USP18: variants seen among roughly 807,000 people sequenced by gnomAD.
USP18 encodes ubl carboxyl-terminal hydrolase 18.
In USP18, 11 loss-of-function variants were observed where a neutral mutation model predicts 48.7. The observed-to-expected ratio is 0.23, with a 90% CI of 0.14 to 0.37. The LOEUF (loss-of-function observed/expected upper bound fraction) is 0.37, where lower values mean the gene tolerates loss of function less well. Ranked by LOEUF, USP18 falls within the 10% of genes least tolerant of loss-of-function variation. The pLI is 1.00. For missense variants in USP18, 285 were observed against 436.4 expected (o/e 0.65, Z 3.09); for synonymous variants, 114 against 163.2 (o/e 0.70, Z 2.30).
chr22:18,154,786 C>T lies in USP18; in HGVS notation c.-106-2772C>T, dbSNP rs1304177141. Among the ~76,000 whole-genome samples the T allele has an allele frequency of 2.6e-5, 4 of 152,142 alleles. No individual in the cohort carries two copies. The East Asian group carries it at 7.7e-4, about 29-fold the overall frequency. ...TTAGTCACTGGCACCTTAATTTGTT[C>T]ATTTGGTGATGTCATGTTTCTCTGA... On this transcript the variant is annotated intron_variant, in intron 1 of 10. Coordinates refer to ENST00000215794, the MANE Select transcript of USP18 (RefSeq NM_017414.4).
chr22:18,173,465 T>C (rs1159002475), intron 9 of USP18, among the ~76,000 whole-genome samples, 184 bp downstream of exon 9: 53 of 151,938 alleles, frequency 3.5e-4, no homozygotes, highest in Middle Eastern at 3.4e-3. Context: ...TGCACCTCTG[T>C]AAGGGTTCAA....
rs1009010474 is a variant in USP18, at chr22:18,151,656, GT to G, written c.-107+1445del. ...GTAAGTCCTAGTTTTTCCACGAGCT[GT>G]TTTTTTTTTTGAGAGAGAGTAGTCC... is the stretch of plus-strand genomic sequence containing the variant. On this transcript the variant is annotated intron_variant, in intron 1 of 10. Coordinates refer to ENST00000215794, the MANE Select transcript of USP18 (RefSeq NM_017414.4). Among the ~76,000 whole-genome samples the G allele has an allele frequency of 3.8e-3, 560 of 146,540 alleles. 3 individuals carry two copies. Among genetic ancestry groups the G allele is most frequent in the African/African-American group, 0.012 (476 of 40,330 alleles).
chr22:18,163,426 GA>G (rs1929381455), intron 4 of USP18, among the ~76,000 whole-genome samples: 19 of 152,078 alleles, frequency 1.2e-4, no homozygotes, highest in Admixed American at 1.2e-3. Context: ...GGCAGATCAT[GA>G]GGTCAGGCGA....
intron 8 of USP18, among the ~76,000 whole-genome samples, chr22:18,171,667 C>T (rs1480415856): frequency 6.6e-6 from 1 of 151,938 alleles, no homozygotes; most frequent in Non-Finnish European, 1.5e-5. Context: ...AAAAAAGACA[C>T]AAATATCTTT....
chr22:18,175,307 G>T (rs1233097676), intron 10 of USP18, among the ~76,000 whole-genome samples: 1 of 152,080 alleles, frequency 6.6e-6, no homozygotes, highest in Non-Finnish European at 1.5e-5. Context: ...AGCTTTTGGA[G>T]ACTGTATATC....
chr22:18,165,005 C>T (rs1334944274), intron 4 of USP18, among the ~76,000 whole-genome samples: 3 of 150,802 alleles, frequency 2.0e-5, no homozygotes, highest in Non-Finnish European at 4.4e-5. Context: ...CCCCATTGCC[C>T]CCTGTGCAGG....
intron 1 of USP18, among the ~76,000 whole-genome samples, chr22:18,153,792 T>A (rs1024953129): frequency 8.5e-5 from 13 of 152,106 alleles, no homozygotes; most frequent in Admixed American, 4.6e-4. Context: ...AGCTTTCACA[T>A]ATGAGTGTGA....
chr22:18,152,782 C>T (rs2123724505), intron 1 of USP18, among the ~76,000 whole-genome samples: 1 of 152,270 alleles, frequency 6.6e-6, no homozygotes, highest in South Asian at 2.1e-4. Context: ...GTGTGATCTA[C>T]CCTGAAAGGC....
Position 18,167,304 on chromosome 22 carries a change from G to T in USP18, c.450G>T (p.Leu150=), listed in dbSNP as rs771764066. 1.2e-6 allele frequency: 2 copies of T among 1,613,886 alleles called. No homozygotes were observed. The highest frequency in any genetic ancestry group is 4.5e-5 in the East Asian group (2 of 44,882). ...AACTGTACCTCAAACTCTGGAACCTGATTAAGGACCAGATCACTGATGTGC... is the reference window on the plus strand; with the variant it reads ...AACTGTACCTCAAACTCTGGAACCTTATTAAGGACCAGATCACTGATGTGC... ...AAQLYLKLWN[L]IKDQITDVHL... is the part of the protein sequence containing the mutation. The change falls in exon 5 of 11, where the codon CTG becomes CTT. Residue 150 remains leucine (L), a synonymous_variant. Coordinates refer to ENST00000215794, the MANE Select transcript of USP18 (RefSeq NM_017414.4).
At position 18,157,919 on chromosome 22, in the gene USP18, A is replaced by G. The variant is rs1364571399; in HGVS notation, c.157+99A>G. On this transcript the variant is annotated intron_variant, in intron 2 of 10. Transcript: ENST00000215794. Reference sequence around the variant, plus strand: ...CGCAGAGCTTTGTATTCGACGGCTCATGCTTTCCTGTGCCTGAGTTTCTGC... The same window carrying G: ...CGCAGAGCTTTGTATTCGACGGCTCGTGCTTTCCTGTGCCTGAGTTTCTGC... The G allele has an allele frequency of 2.0e-6, 3 of 1,485,480 alleles. No homozygotes were observed. The African/African-American group carries it at 4.2e-5, about 21-fold the overall frequency. 92.0% of individuals were successfully genotyped at this position (1,485,480 alleles called of 1,614,324 possible).
At chr22:18,169,375 G>A (rs1929565415) in intron 6 of USP18, among the ~76,000 whole-genome samples, 1 of 152,198 alleles carries the variant, frequency 6.6e-6, no homozygotes, top group South Asian at 2.1e-4. Context: ...AGGAGTTTGA[G>A]ACCAGCCTGG....
chr22:18,167,641 T>C (rs944095431), intron 5 of USP18, among the ~76,000 whole-genome samples: 20 of 138,818 alleles, frequency 1.4e-4, no homozygotes, highest in Non-Finnish European at 3.0e-4. Flanking sequence ...GAGCTTGCAG[T>C]GAGCCGAGAT....
At chr22:18,172,092 C>T (rs1706183298) in intron 8 of USP18, among the ~76,000 whole-genome samples, 1 of 152,126 alleles carries the variant, frequency 6.6e-6, no homozygotes, top group Non-Finnish European at 1.5e-5. Flanking sequence ...AGCAAGACTC[C>T]ATCTTTGCAA....
intron 6 of USP18, among the ~76,000 whole-genome samples, chr22:18,168,661 A>G (rs888403476): frequency 7.2e-5 from 11 of 152,106 alleles, no homozygotes; most frequent in Non-Finnish European, 1.2e-4. Context: ...CCCTGGGATT[A>G]CAGGCATGAG....
At chr22:18,167,694 T>A (rs1437583236) in intron 5 of USP18, among the ~76,000 whole-genome samples, 196 bp from the exon 6 acceptor site, 1 of 105,582 alleles carries the variant, frequency 9.5e-6, no homozygotes, top group African/African-American at 4.4e-5. Context: ...CGAGACTCTG[T>A]CTCAAAAAAA....
At chr22:18,160,415 C>T (rs1929297069) in intron 3 of USP18, 147 bp downstream of exon 3, 1 of 919,050 alleles carries the variant, frequency 1.1e-6, no homozygotes, top group Non-Finnish European at 1.7e-6. Context: ...AAGCGATTCT[C>T]CTGCTTCAGT....
intron 5 of USP18, 95 bp downstream of exon 5, chr22:18,167,429 G>C: frequency 2.1e-6 from 3 of 1,446,324 alleles, no homozygotes; most frequent in Non-Finnish European, 2.9e-6. Flanking sequence ...GAATAAAAGA[G>C]TTAATCCCCT....
At chr22:18,160,835 T>C (rs1474152718) in intron 3 of USP18, among the ~76,000 whole-genome samples, 2 of 145,788 alleles carry the variant, frequency 1.4e-5, no homozygotes, top group East Asian at 4.2e-4. Flanking sequence ...GACGGTGCAA[T>C]CTCGGCTCAC....
At chr22:18,159,215 C>T (rs962898799) in intron 2 of USP18, among the ~76,000 whole-genome samples, 4 of 151,814 alleles carry the variant, frequency 2.6e-5, no homozygotes, top group Non-Finnish European at 4.4e-5. Flanking sequence ...ACCACCACAC[C>T]CGGCTAATTT....
Sources: allele counts gnomAD v4.1 joint callset (sites outside exome capture counted in the v4.1 genomes callset), GRCh38; gene constraint gnomAD v4.1.1; transcripts MANE v1.5; gene names NCBI Gene and HGNC (gene_info 2026-07-23, HGNC 2026-07-21).